ADGRL2: variants seen among roughly 807,000 people sequenced by gnomAD.
ADGRL2 encodes calcium-independent alpha-latrotoxin receptor 2.
ADGRL2 carries 44 observed loss-of-function variants against 157.4 expected under a neutral mutation model. The ratio of observed to expected loss-of-function variants is 0.28; its 90% CI spans 0.22 to 0.36. The LOEUF is 0.36. Ranked by LOEUF, ADGRL2 falls within the 10% of genes least tolerant of loss-of-function variation. The pLI is 1.00. For synonymous variants in ADGRL2, 585 were observed against 624.7 expected (o/e 0.94, Z 0.95); for missense variants, 1,510 against 1,768.9 (o/e 0.85, Z 2.63).
chr1:81,522,803 T>C (rs1426415919), intron 2 of ADGRL2, among the ~76,000 whole-genome samples: 1 of 152,230 alleles, frequency 6.6e-6, no homozygotes, highest in African/African-American at 2.4e-5. Context: ...TGCTTGATTG[T>C]TTTGTATTCA....
intron 13 of ADGRL2, 21 bp from the exon 14 acceptor site, chr1:81,968,005 T>C: frequency 6.2e-7 from 1 of 1,602,420 alleles, no homozygotes; most frequent in Non-Finnish European, 8.5e-7. Flanking sequence ...CCTAATTTTA[T>C]CTTGTCATTT....
chr1:81,640,624 C>A (rs2082201053), intron 3 of ADGRL2, among the ~76,000 whole-genome samples: 1 of 103,408 alleles, frequency 9.7e-6, no homozygotes, highest in Non-Finnish European at 2.1e-5. Flanking sequence ...GAGCCAGACT[C>A]CATCTCAAAA....
chr1:81,555,265 C>CTTTTTTT (rs71666308), intron 2 of ADGRL2, among the ~76,000 whole-genome samples: 3 of 115,940 alleles, frequency 2.6e-5, no homozygotes, highest in Non-Finnish European at 3.5e-5. Flanking sequence ...TATTTCTTTT[C>CTTTTTTT]TTTTTTTTTT....
intron 3 of ADGRL2, among the ~76,000 whole-genome samples, chr1:81,654,226 G>A (rs573620424): frequency 6.6e-5 from 10 of 152,284 alleles, no homozygotes; most frequent in African/African-American, 2.4e-4. Flanking sequence ...AATTACAGGC[G>A]TGAGCCACCA....
At chr1:81,989,835 C>CTT in intron 23 of ADGRL2, 1 of 1,397,184 alleles carries the variant, frequency 7.2e-7, no homozygotes, top group South Asian at 1.9e-5. Context: ...TGTTTTCATT[C>CTT]TTTTTTTTAC....
At chr1:81,737,011 T>C (rs999913246) in intron 1 of ADGRL2, among the ~76,000 whole-genome samples, 1 of 152,026 alleles carries the variant, frequency 6.6e-6, no homozygotes, top group African/African-American at 2.4e-5. Flanking sequence ...ATTTTTTGTA[T>C]TTTTAGTAGA....
In ADGRL2 at chr1:81,342,734, A is replaced by G. The variant is rs74672679; in HGVS notation, c.-302+36225A>G. The stretch of plus-strand genomic sequence containing the variant: ...TTAATATGTTATTTTATCTTTTAAC[A>G]GCATGATGAGGTCAATATTATTTCC... On this transcript the variant is annotated intron_variant, in intron 1 of 24. Transcript: ENST00000370721. 3.0e-3 allele frequency among the ~76,000 whole-genome samples: 459 copies of G among 152,286 alleles called. 2 individuals carry two copies. Among genetic ancestry groups the G allele is most frequent in the Non-Finnish European group, 4.6e-3 (315 of 68,018 alleles).
At chr1:81,609,632 G>C (rs1327644779) in intron 3 of ADGRL2, among the ~76,000 whole-genome samples, 1 of 152,164 alleles carries the variant, frequency 6.6e-6, no homozygotes, top group African/African-American at 2.4e-5. Context: ...GTCCTTTTAG[G>C]TGTTCCCTCC....
exon 1 of ADGRL2, chr1:81,306,210 C>T (rs1413022282): frequency 6.6e-6 from 1 of 152,206 alleles, no homozygotes; most frequent in Non-Finnish European, 1.5e-5. Context: ...TTCATGCACT[C>T]TTCCATCTTT....
intron 2 of ADGRL2, among the ~76,000 whole-genome samples, chr1:81,531,776 A>G (rs2079605728): frequency 6.6e-6 from 1 of 152,216 alleles, no homozygotes; most frequent in Non-Finnish European, 1.5e-5. Flanking sequence ...TGAAGGGCCT[A>G]TATTAGTTAT....
chr1:81,333,906 TA>T (rs1465103015), intron 1 of ADGRL2, among the ~76,000 whole-genome samples: 3 of 152,030 alleles, frequency 2.0e-5, no homozygotes, highest in African/African-American at 7.3e-5. Flanking sequence ...TTGACAAGAG[TA>T]TGGTCCCTAG....
At chr1:81,834,412 T>G (rs2092153048) in intron 1 of ADGRL2, among the ~76,000 whole-genome samples, 1 of 152,180 alleles carries the variant, frequency 6.6e-6, no homozygotes, top group Non-Finnish European at 1.5e-5. Flanking sequence ...CTGTTATCTA[T>G]GCCAGTGGTT....
At chr1:81,467,892 T>A (rs1214251829) in intron 2 of ADGRL2, among the ~76,000 whole-genome samples, 10 of 152,040 alleles carry the variant, frequency 6.6e-5, no homozygotes, top group Admixed American at 3.9e-4. Flanking sequence ...ATTAATCTTT[T>A]CAAATTAAAA....
chr1:81,373,407 A>C (rs2076193826), intron 1 of ADGRL2, among the ~76,000 whole-genome samples: 1 of 152,178 alleles, frequency 6.6e-6, no homozygotes, highest in South Asian at 2.1e-4. Context: ...TTCCACATAT[A>C]TTCTTTGGAA....
intron 2 of ADGRL2, among the ~76,000 whole-genome samples, chr1:81,859,234 A>T (rs573072193): frequency 6.6e-6 from 1 of 152,188 alleles, no homozygotes; most frequent in South Asian, 2.1e-4. Context: ...TTTTGTATAC[A>T]TGTATTTATT....
At chr1:81,706,282 A>T (rs1393982866) in intron 1 of ADGRL2, among the ~76,000 whole-genome samples, 1 of 152,180 alleles carries the variant, frequency 6.6e-6, no homozygotes, top group African/African-American at 2.4e-5. Context: ...TGGTCAAGAA[A>T]CCTTAGAGGA....
intron 1 of ADGRL2, among the ~76,000 whole-genome samples, chr1:81,401,618 T>C (rs371641031): frequency 3.7e-4 from 56 of 152,214 alleles, no homozygotes; most frequent in Admixed American, 3.9e-4. Context: ...GAGCTTCTAG[T>C]TGACCATCTT....
intron 1 of ADGRL2, among the ~76,000 whole-genome samples, chr1:81,737,408 A>G (rs2084938535): frequency 6.6e-6 from 1 of 152,160 alleles, no homozygotes; most frequent in African/African-American, 2.4e-5. Flanking sequence ...ACTTTTAAAC[A>G]ACCAGATCTT....
At chr1:81,390,223 G>A (rs901739319) in intron 1 of ADGRL2, among the ~76,000 whole-genome samples, 3 of 152,302 alleles carry the variant, frequency 2.0e-5, no homozygotes, top group Non-Finnish European at 1.5e-5. Context: ...ATGAGCATGC[G>A]CAAAGAATGG....
Sources: allele counts gnomAD v4.1 joint callset (sites outside exome capture counted in the v4.1 genomes callset), GRCh38; gene constraint gnomAD v4.1.1; transcripts MANE v1.5; gene names NCBI Gene and HGNC (gene_info 2026-07-23, HGNC 2026-07-21).